Variants in MOGAT2 observed in about 807,000 individuals in gnomAD.
MOGAT2 encodes the protein 2-acylglycerol O-acyltransferase 2.
MOGAT2 carries 27 observed loss-of-function variants against 31.5 expected under a neutral mutation model. The ratio of observed to expected loss-of-function variants is 0.86; its 90% CI spans 0.63 to 1.18. The LOEUF (loss-of-function observed/expected upper bound fraction) is 1.18, where lower values mean the gene tolerates loss of function less well. Among genes scored for constraint, MOGAT2 ranks in the 50% most tolerant of loss-of-function variants. MOGAT2 has a pLI of 0.00. For missense variants in MOGAT2, 436 were observed against 433.2 expected, an observed-to-expected ratio of 1.01 and a Z score of -0.06; for synonymous variants, 163 against 170.0, an observed-to-expected ratio of 0.96 and a Z score of 0.32.
chr11:75,721,218 G>A (rs920176407), intron 2 of MOGAT2, among the ~76,000 whole-genome samples: 15 of 152,264 alleles, frequency 9.9e-5, no homozygotes, highest in African/African-American at 3.6e-4. Context: ...GTAAAATGGG[G>A]ATAATGACAC....
chr11:75,719,972 GCTC>G lies in MOGAT2; in HGVS notation c.92-17_92-15del, dbSNP rs761873671. On this transcript the variant is annotated splice_polypyrimidine_tract_variant and intron_variant, in intron 1 of 5. Coordinates refer to ENST00000198801, the MANE Select transcript of MOGAT2 (RefSeq NM_025098.4). ...TCCTCTCAGACCCCTGTCCCTGACA[GCTC>G]CTTCTTCCCTCCCCAGCCGAGATCT... The G allele has an allele frequency of 8.9e-6, 14 of 1,564,850 alleles. No individual in the cohort carries two copies. The Admixed American group carries it at 1.3e-4, about 14-fold the overall frequency.
intron 2 of MOGAT2, among the ~76,000 whole-genome samples, chr11:75,726,991 G>C (rs907610091): frequency 6.6e-6 from 1 of 152,090 alleles, no homozygotes; most frequent in Admixed American, 6.5e-5. Flanking sequence ...CGCCTGGCTG[G>C]AACACTGTTT....
At chr11:75,721,508 C>A (rs564563360) in intron 2 of MOGAT2, among the ~76,000 whole-genome samples, 1 of 152,256 alleles carries the variant, frequency 6.6e-6, no homozygotes, top group Admixed American at 6.5e-5. Context: ...GTCTCGAACT[C>A]CCGACCTTAG....
chr11:75,718,315 C>T (rs1400522794), intron 1 of MOGAT2, among the ~76,000 whole-genome samples: 1 of 152,192 alleles, frequency 6.6e-6, no homozygotes, highest in Non-Finnish European at 1.5e-5. Flanking sequence ...AAGTTCTGGG[C>T]TCTGCAGCCT....
intron 4 of MOGAT2, chr11:75,728,539 A>T: frequency 1.7e-6 from 1 of 579,076 alleles, no homozygotes; most frequent in Middle Eastern, 4.7e-4. Flanking sequence ...ATCTGGGAGG[A>T]CTCTCTGAAG....
At chr11:75,719,772 C>T (rs1944360122) in intron 1 of MOGAT2, 1 of 540,626 alleles carries the variant, frequency 1.8e-6, no homozygotes, top group Non-Finnish European at 3.3e-6. Context: ...CCTACCTAGG[C>T]TCAACGCGTG....
In MOGAT2 at chr11:75,727,533, T is replaced by C. The variant is rs749706294; in HGVS notation, c.369T>C (p.Thr123=). 1.9e-6 allele frequency: 3 copies of C among 1,614,182 alleles called. No homozygotes were observed. Among genetic ancestry groups the C allele is most frequent in the Non-Finnish European group, 1.7e-6 (2 of 1,180,026 alleles). The change falls in exon 3 of 6, where the codon ACT becomes ACC. Residue 123 remains threonine (T), a synonymous_variant. Coordinates refer to ENST00000198801, the MANE Select transcript of MOGAT2 (RefSeq NM_025098.4). The part of the protein sequence containing the change: ...LAVGAFANLC[T]ESTGFSSIFP... ...TCGGAGCCTTTGCCAACCTGTGCACTGAGAGCACAGGCTTCTCTTCGATCT... is the reference window on the plus strand; with the variant it reads ...TCGGAGCCTTTGCCAACCTGTGCACCGAGAGCACAGGCTTCTCTTCGATCT...
At chr11:75,719,861 T>C in intron 1 of MOGAT2, 131 bp from the exon 2 acceptor site, 1 of 882,854 alleles carries the variant, frequency 1.1e-6, no homozygotes, top group Admixed American at 2.3e-5. Flanking sequence ...GCTGCTGTCT[T>C]CCTCCTGGGC....
chr11:75,727,914 C>A, intron 3 of MOGAT2, 56 bp from the exon 4 acceptor site: 1 of 1,501,518 alleles, frequency 6.7e-7, no homozygotes, highest in Non-Finnish European at 9.0e-7. Context: ...GCTACATGTA[C>A]TTTCATAGCC....
At chr11:75,727,301 C>G in intron 2 of MOGAT2, 134 bp from the exon 3 acceptor site, 2 of 700,468 alleles carry the variant, frequency 2.9e-6, no homozygotes. Context: ...TTCGTAAGAA[C>G]CCAGGGTGGT....
intron 2 of MOGAT2, among the ~76,000 whole-genome samples, chr11:75,726,840 A>G (rs1944425652): frequency 6.6e-6 from 1 of 151,896 alleles, no homozygotes; most frequent in Admixed American, 6.6e-5. Context: ...CTGGGATTAC[A>G]GGTGCCCGCC....
chr11:75,728,280 AT>A, intron 4 of MOGAT2, 136 bp downstream of exon 4: 1 of 1,121,592 alleles, frequency 8.9e-7, no homozygotes, highest in Non-Finnish European at 1.3e-6. Flanking sequence ...TTAAGATTAT[AT>A]TTTGGTGTCT....
At position 75,731,237 on chromosome 11, in the gene MOGAT2, A is replaced by C. The variant is rs762953947; in HGVS notation, c.956A>C (p.His319Pro). 1.2e-5 allele frequency: 19 copies of C among 1,614,184 alleles called. No individual in the cohort carries two copies. The highest frequency in any genetic ancestry group is 3.3e-5 in the Admixed American group (2 of 60,030). The change falls in exon 6 of 6, where the codon CAC becomes CCC. Residue 319 changes from histidine to proline, a missense_variant. Transcript: ENST00000198801. The part of the protein sequence containing the change: ...IKELCNLFEA[H>P]KLKFNIPADQ... Reference sequence around the variant, plus strand: ...GAGCTGTGCAACCTCTTCGAGGCCCACAAACTTAAGTTCAACATCCCTGCT... The same window carrying C: ...GAGCTGTGCAACCTCTTCGAGGCCCCCAAACTTAAGTTCAACATCCCTGCT...
At chr11:75,719,915 G>A (rs990658974) in intron 1 of MOGAT2, 77 bp from the exon 2 acceptor site, 7 of 1,459,224 alleles carry the variant, frequency 4.8e-6, no homozygotes, top group Non-Finnish European at 6.6e-6. Flanking sequence ...AGGCCTATGG[G>A]CAGAGTTCAG....
intron 1 of MOGAT2, 36 bp downstream of exon 1, chr11:75,718,015 G>T: frequency 1.3e-6 from 2 of 1,590,628 alleles, no homozygotes; most frequent in Non-Finnish European, 1.7e-6. Context: ...GGAGACCACC[G>T]CACTCAGGTG....
At chr11:75,721,397 C>A (rs934039284) in intron 2 of MOGAT2, among the ~76,000 whole-genome samples, 1 of 152,122 alleles carries the variant, frequency 6.6e-6, no homozygotes, top group African/African-American at 2.4e-5. Flanking sequence ...ATTCTCCTAC[C>A]TCAGCCTCCC....
chr11:75,724,288 C>A (rs1944400781), intron 2 of MOGAT2, among the ~76,000 whole-genome samples: 1 of 152,226 alleles, frequency 6.6e-6, no homozygotes, highest in South Asian at 2.1e-4. Flanking sequence ...CAGGCCTGCA[C>A]TGGGGACACA....
At chr11:75,724,568 A>G (rs1944403974) in intron 2 of MOGAT2, among the ~76,000 whole-genome samples, 3 of 152,114 alleles carry the variant, frequency 2.0e-5, no homozygotes. Context: ...AGGCTAAGGC[A>G]GGAGAATTGC....
At chr11:75,727,280 A>G (rs1944429261) in intron 2 of MOGAT2, among the ~76,000 whole-genome samples, 155 bp from the exon 3 acceptor site, 1 of 152,168 alleles carries the variant, frequency 6.6e-6, no homozygotes, top group South Asian at 2.1e-4. Context: ...GTCACATACC[A>G]TATCTGAATC....
Sources: allele counts gnomAD v4.1 joint callset (sites outside exome capture counted in the v4.1 genomes callset), GRCh38; gene constraint gnomAD v4.1.1; transcripts MANE v1.5; gene names NCBI Gene and HGNC (gene_info 2026-07-23, HGNC 2026-07-21).